The following CSMD1 variants were observed in gnomAD, a reference collection of about 807,000 sequenced individuals.
CSMD1 encodes the protein CUB and sushi domain-containing protein 1.
A neutral mutation model predicts 417.5 loss-of-function variants in CSMD1; 213 were observed. The ratio of observed to expected loss-of-function variants is 0.51; its 90% CI spans 0.46 to 0.57. CSMD1 has a LOEUF of 0.57. Ranked by LOEUF, CSMD1 falls within the 20% of genes least tolerant of loss-of-function variation. The pLI is 0.00. For missense variants in CSMD1, 6,923 were observed against 4,529.7 expected (o/e 1.53, Z -15.17); for synonymous variants, 2,862 against 1,736.8 (o/e 1.65, Z -16.11).
intron 5 of CSMD1, among the ~76,000 whole-genome samples, chr8:3,799,781 A>C (rs73658275): frequency 6.6e-6 from 1 of 152,096 alleles, no homozygotes; most frequent in Non-Finnish European, 1.5e-5. Context: ...TCCAATTTTC[A>C]TATCTATGAA....
At chr8:4,880,056 C>T (rs868669571) in intron 1 of CSMD1, among the ~76,000 whole-genome samples, 3 of 152,026 alleles carry the variant, frequency 2.0e-5, no homozygotes, top group South Asian at 2.1e-4. Flanking sequence ...AAAGTAATCT[C>T]CTACCTTTCT....
chr8:4,764,896 A>AAAACAAAACAAAAAAAC (rs1563327004), intron 1 of CSMD1, among the ~76,000 whole-genome samples: 1 of 13,060 alleles, frequency 7.7e-5, no homozygotes, highest in Non-Finnish European at 1.4e-4. Context: ...AAAAAAAAAC[A>AAAACAAAACAAAAAAAC]ACAACAACAA....
At position 4,039,094 on chromosome 8, in the gene CSMD1, C is replaced by T. The variant is rs191254890; in HGVS notation, c.416-6995G>A. Reference sequence around the variant, plus strand: ...ATATTCATTACTACATGGGACAAGGCTATCGAAAGGAAGTTTAAAATTCAT... The same window carrying T: ...ATATTCATTACTACATGGGACAAGGTTATCGAAAGGAAGTTTAAAATTCAT... On this transcript the variant is annotated intron_variant, in intron 3 of 69. Transcript: ENST00000635120. Among the ~76,000 whole-genome samples, 266 of 152,254 alleles carry T rather than the reference C, an allele frequency of 1.7e-3. 1 individual carries two copies. The highest frequency in any genetic ancestry group is 6.2e-3 in the African/African-American group (259 of 41,556).
chr8:3,045,764 C>A lies in CSMD1; in HGVS notation c.7660+6698G>T, dbSNP rs144848256. 6.0e-3 allele frequency among the ~76,000 whole-genome samples: 916 copies of A among 152,310 alleles called. 9 individuals are homozygous for A. The highest frequency in any genetic ancestry group is 0.019 in the African/African-American group (780 of 41,556). ...AGATTCTCTTCTCCGATTTTCTGGA[C>A]TTTGCTACTTACTGTATCCATGACC... On this transcript the variant is annotated intron_variant, in intron 50 of 69. Transcript: ENST00000635120.
At chr8:4,624,438 A>T (rs1801978573) in intron 2 of CSMD1, among the ~76,000 whole-genome samples, 1 of 152,146 alleles carries the variant, frequency 6.6e-6, no homozygotes, top group Non-Finnish European at 1.5e-5. Context: ...TGGAATTACC[A>T]GCATATGGCA....
intron 3 of CSMD1, among the ~76,000 whole-genome samples, chr8:4,285,535 G>A (rs1039448417): frequency 1.3e-5 from 2 of 152,182 alleles, no homozygotes; most frequent in Admixed American, 6.5e-5. Flanking sequence ...TCGGATATCA[G>A]GGCTTTCTCT....
intron 5 of CSMD1, among the ~76,000 whole-genome samples, chr8:3,952,417 A>G (rs1234118924): frequency 6.6e-6 from 1 of 152,244 alleles, no homozygotes; most frequent in Non-Finnish European, 1.5e-5. Context: ...ATGTATGTTG[A>G]TATGTAAAGG....
intron 47 of CSMD1, among the ~76,000 whole-genome samples, chr8:3,094,060 G>C (rs1308343666): frequency 6.6e-6 from 1 of 151,808 alleles, no homozygotes; most frequent in African/African-American, 2.4e-5. Context: ...TTTAATGACA[G>C]AACTCAAGAG....
At chr8:3,656,537 G>T (rs1004304889) in intron 7 of CSMD1, among the ~76,000 whole-genome samples, 1 of 152,150 alleles carries the variant, frequency 6.6e-6, no homozygotes, top group Non-Finnish European at 1.5e-5. Context: ...CAAAATAATG[G>T]GTAGATGCTC....
chr8:4,296,696 GT>G lies in CSMD1; in HGVS notation c.415+123256del, dbSNP rs371696159. On this transcript the variant is annotated intron_variant, in intron 3 of 69. Coordinates refer to ENST00000635120, the MANE Select transcript of CSMD1 (RefSeq NM_033225.6). The stretch of plus-strand genomic sequence containing the variant: ...GGTCCCTGAAAACACGAAAATAAGG[GT>G]TTTTTTTTTTTTTTTTTTCTCCAGG... 1.9e-3 allele frequency among the ~76,000 whole-genome samples: 220 copies of G among 114,846 alleles called. 2 individuals are homozygous for G. Among genetic ancestry groups the G allele is most frequent in the African/African-American group, 6.7e-3 (204 of 30,350 alleles). The allele number at this position is 114,846 out of a possible 152,430, so 75.3% of individuals were successfully genotyped here.
At chr8:3,699,886 CAT>C (rs1800756065) in intron 7 of CSMD1, among the ~76,000 whole-genome samples, 2 of 131,358 alleles carry the variant, frequency 1.5e-5, no homozygotes, top group East Asian at 5.1e-4. Context: ...CCCATAGCTA[CAT>C]CCCTGGGTTA....
chr8:4,087,747 G>A lies in CSMD1; in HGVS notation c.416-55648C>T, dbSNP rs532580892. On this transcript the variant is annotated intron_variant, in intron 3 of 69. Transcript: ENST00000635120. ...CCGCACCCTTTCTTCTGTCTCTCCC[G>A]TTCTCTTAATCTTCTTTCTATATTT... Among the ~76,000 whole-genome samples the A allele has an allele frequency of 1.6e-4, 24 of 151,976 alleles. No individual in the cohort carries two copies. The East Asian group carries it at 2.9e-3, about 18-fold the overall frequency.
intron 2 of CSMD1, among the ~76,000 whole-genome samples, chr8:4,443,713 A>T (rs1179802064): frequency 6.6e-6 from 1 of 152,232 alleles, no homozygotes; most frequent in African/African-American, 2.4e-5. Context: ...TTCTAGCAGC[A>T]GTTGGCTAAA....
At chr8:4,617,754 G>A (rs1209879435) in intron 2 of CSMD1, among the ~76,000 whole-genome samples, 2 of 151,814 alleles carry the variant, frequency 1.3e-5, no homozygotes, top group Non-Finnish European at 2.9e-5. Flanking sequence ...TTCCTATTTG[G>A]CATTCCTCAT....
At chr8:4,532,936 C>T (rs1447032789) in intron 2 of CSMD1, among the ~76,000 whole-genome samples, 3 of 151,078 alleles carry the variant, frequency 2.0e-5, no homozygotes, top group Non-Finnish European at 4.4e-5. Flanking sequence ...CACCTGCATT[C>T]ACAGTCACTC....
At chr8:4,607,409 A>G (rs1800935325) in intron 2 of CSMD1, among the ~76,000 whole-genome samples, 1 of 152,206 alleles carries the variant, frequency 6.6e-6, no homozygotes, top group South Asian at 2.1e-4. Flanking sequence ...AATTGCAGGC[A>G]ACAACTTCAC....
chr8:4,664,130 C>G (rs768871896), intron 1 of CSMD1, among the ~76,000 whole-genome samples: 1 of 152,188 alleles, frequency 6.6e-6, no homozygotes, highest in Non-Finnish European at 1.5e-5. Context: ...CACACCTGGA[C>G]AGGTACACCA....
At chr8:4,091,787 A>C (rs1441114114) in intron 3 of CSMD1, among the ~76,000 whole-genome samples, 2 of 152,198 alleles carry the variant, frequency 1.3e-5, no homozygotes, top group Non-Finnish European at 2.9e-5. Context: ...TTGTAGTCAC[A>C]AGGTTGGTAA....
rs10503237 is a variant in CSMD1 at position 4,171,921 on chromosome 8, T to A, written c.416-139822A>T. ...TGCATGTTTTTACATAAATTATGTT[T>A]CTCGCAATACTCTAGATTTTGTGTT... is the stretch of plus-strand genomic sequence containing the variant. On this transcript the variant is annotated intron_variant, in intron 3 of 69. Transcript: ENST00000635120. Among the ~76,000 whole-genome samples, 986 of 152,302 alleles carry A rather than the reference T, an allele frequency of 6.5e-3. 5 individuals are homozygous for A. The highest frequency in any genetic ancestry group is 9.9e-3 in the Non-Finnish European group (672 of 68,028).
Sources: gnomAD v4.1 joint callset for allele counts (sites outside exome capture counted in the v4.1 genomes callset) on GRCh38, gnomAD v4.1.1 for gene constraint, MANE v1.5 for transcripts, NCBI Gene and HGNC (gene_info 2026-07-23, HGNC 2026-07-21) for gene names.